Variants in PIK3C2G observed in about 807,000 individuals in gnomAD.
The protein encoded by PIK3C2G is phosphatidylinositol-4-phosphate 3-kinase catalytic subunit type 2 gamma, also known as phosphatidylinositol 3-kinase C2 domain-containing subunit gamma.
A neutral mutation model predicts 181.1 loss-of-function variants in PIK3C2G; 168 were observed. The ratio of observed to expected loss-of-function variants is 0.93; its 90% CI spans 0.82 to 1.05. The LOEUF (loss-of-function observed/expected upper bound fraction) is 1.05, where lower values mean the gene tolerates loss of function less well. Ranked by LOEUF, PIK3C2G falls within the 50% of genes least tolerant of loss-of-function variation. PIK3C2G has a pLI of 0.00. For missense variants in PIK3C2G, 1,869 were observed against 1,732.8 expected, an observed-to-expected ratio of 1.08 and a Z score of -1.40; for synonymous variants, 573 against 592.2, an observed-to-expected ratio of 0.97 and a Z score of 0.47.
intron 1 of PIK3C2G, among the ~76,000 whole-genome samples, chr12:18,250,880 C>G (rs990805144): frequency 6.6e-6 from 1 of 151,822 alleles, no homozygotes; most frequent in Non-Finnish European, 1.5e-5. Context: ...GTATTATACT[C>G]AAAATATACG....
intron 18 of PIK3C2G, among the ~76,000 whole-genome samples, chr12:18,450,048 T>G (rs1039471911): frequency 3.9e-5 from 6 of 152,250 alleles, no homozygotes; most frequent in African/African-American, 1.4e-4. Flanking sequence ...GAGCTTTTTT[T>G]CACGTTTTTT....
chr12:18,448,917 T>TG, intron 18 of PIK3C2G, among the ~76,000 whole-genome samples: 1 of 152,114 alleles, frequency 6.6e-6, no homozygotes, highest in Middle Eastern at 3.4e-3. Context: ...TTTTATTTCT[T>TG]GGCTATTATG....
intron 18 of PIK3C2G, among the ~76,000 whole-genome samples, chr12:18,452,342 T>G (rs1206592497): frequency 2.0e-5 from 3 of 152,206 alleles, no homozygotes; most frequent in Non-Finnish European, 4.4e-5. Flanking sequence ...TTCTAGATTT[T>G]CTAGTTTATT....
At chr12:18,705,841 G>A in the PIK3C2G span, among the ~76,000 whole-genome samples, 1 of 151,880 alleles carries the variant, frequency 6.6e-6, no homozygotes, top group South Asian at 2.1e-4. Flanking sequence ...ATTCCAGCCT[G>A]GGTGACAGAG....
intron 16 of PIK3C2G, among the ~76,000 whole-genome samples, chr12:18,417,152 A>T (rs1945227293): frequency 6.6e-6 from 1 of 152,190 alleles, no homozygotes; most frequent in Non-Finnish European, 1.5e-5. Context: ...TTATAAGTGA[A>T]CTAGAATTAG....
chr12:18,544,802 A>G (rs951623062), intron 25 of PIK3C2G, among the ~76,000 whole-genome samples: 1 of 151,854 alleles, frequency 6.6e-6, no homozygotes, highest in Non-Finnish European at 1.5e-5. Flanking sequence ...CTTGGTTTCA[A>G]TTATCATTTA....
chr12:18,335,975 A>T (rs1228454226), intron 8 of PIK3C2G, among the ~76,000 whole-genome samples: 2 of 152,124 alleles, frequency 1.3e-5, no homozygotes, highest in African/African-American at 2.4e-5. Flanking sequence ...TCACAAACCC[A>T]TGTATCACAC....
rs756550141 is a variant in PIK3C2G at position 18,287,371 on chromosome 12, T to G, written c.761+442T>G. ...TGGCAGAATATTGAATAAATACGTG[T>G]GTGTTAATGCATTGAGAAATGAATT... On this transcript the variant is annotated intron_variant, in intron 3 of 32. Transcript: ENST00000538779. Among the ~76,000 whole-genome samples, 23 of 152,226 alleles carry G rather than the reference T, an allele frequency of 1.5e-4. No homozygotes were observed. The East Asian group carries it at 4.2e-3, about 28-fold the overall frequency.
intron 3 of PIK3C2G, among the ~76,000 whole-genome samples, chr12:18,288,565 T>C (rs1462159364): frequency 1.3e-5 from 2 of 152,168 alleles, no homozygotes; most frequent in African/African-American, 4.8e-5. Flanking sequence ...AAATAGTACT[T>C]AGGATTCCTA....
intron 9 of PIK3C2G, among the ~76,000 whole-genome samples, chr12:18,342,053 A>G (rs1305328838): frequency 6.6e-6 from 1 of 152,162 alleles, no homozygotes; most frequent in African/African-American, 2.4e-5. Context: ...TGCTTACATA[A>G]TAGGCGAACC....
chr12:18,654,932 T>A, the PIK3C2G span, among the ~76,000 whole-genome samples: 3 of 151,918 alleles, frequency 2.0e-5, no homozygotes, highest in Non-Finnish European at 4.4e-5. Context: ...AAAAAGACAC[T>A]TAGTTCTGGG....
chr12:18,515,452 T>A (rs1452122577), intron 24 of PIK3C2G, among the ~76,000 whole-genome samples: 1 of 151,992 alleles, frequency 6.6e-6, no homozygotes, highest in Non-Finnish European at 1.5e-5. Flanking sequence ...AATCTTGGTA[T>A]ATTATATGTA....
chr12:18,712,881 A>G, the PIK3C2G span: 3 of 1,613,942 alleles, frequency 1.9e-6, no homozygotes, highest in Non-Finnish European at 2.5e-6. Flanking sequence ...TAACAGTTTT[A>G]AACAGAAGTT....
the PIK3C2G span, among the ~76,000 whole-genome samples, chr12:18,724,619 TA>T: frequency 6.6e-6 from 1 of 152,040 alleles, no homozygotes; most frequent in Non-Finnish European, 1.5e-5. Context: ...ACCTTAAAAT[TA>T]TATAATCTTA....
At chr12:18,586,599 G>A (rs1946793937) in intron 29 of PIK3C2G, among the ~76,000 whole-genome samples, 2 of 152,068 alleles carry the variant, frequency 1.3e-5, no homozygotes, top group South Asian at 4.2e-4. Flanking sequence ...ACCAAAAAAA[G>A]CCCAGGATCA....
intron 31 of PIK3C2G, among the ~76,000 whole-genome samples, chr12:18,628,773 T>C (rs1427778427): frequency 6.6e-6 from 1 of 152,116 alleles, no homozygotes; most frequent in Non-Finnish European, 1.5e-5. Flanking sequence ...GAGAAAATTA[T>C]CTATCAAGTG....
upstream of PIK3C2G, among the ~76,000 whole-genome samples, chr12:18,260,998 C>T: frequency 6.6e-6 from 1 of 151,896 alleles, no homozygotes; most frequent in South Asian, 2.1e-4. Flanking sequence ...ACTATGCATC[C>T]TAAGGCTAAA....
intron 24 of PIK3C2G, among the ~76,000 whole-genome samples, chr12:18,506,132 C>G (rs990689842): frequency 6.6e-6 from 1 of 152,094 alleles, no homozygotes; most frequent in Non-Finnish European, 1.5e-5. Context: ...GTCCTTATGA[C>G]CACCTCATGG....
At chr12:18,548,590 C>T (rs796630850) in intron 26 of PIK3C2G, among the ~76,000 whole-genome samples, 4 of 152,106 alleles carry the variant, frequency 2.6e-5, no homozygotes, top group African/African-American at 9.6e-5. Flanking sequence ...CATGAACTAA[C>T]GTGGAAGTAG....
Sources: gnomAD v4.1 joint callset for allele counts (sites outside exome capture counted in the v4.1 genomes callset) on GRCh38, gnomAD v4.1.1 for gene constraint, MANE v1.5 for transcripts, NCBI Gene and HGNC (gene_info 2026-07-23, HGNC 2026-07-21) for gene names.